CDH8: variants seen among roughly 807,000 people sequenced by gnomAD.
CDH8 encodes the protein cadherin 8, also known as cadherin-8.
In CDH8, 17 loss-of-function variants were observed where a neutral mutation model predicts 68.1. That is an observed-to-expected ratio of 0.25 (90% CI 0.17 to 0.37). The LOEUF (loss-of-function observed/expected upper bound fraction) is 0.37, where lower values mean the gene tolerates loss of function less well. Among genes scored for constraint, CDH8 ranks in the 10% least tolerant of loss-of-function variants. The probability of loss-of-function intolerance (pLI) is 1.00; values close to 1 mark genes in which losing one functional copy is unlikely to be tolerated. For missense variants in CDH8, 763 were observed against 999.3 expected (o/e 0.76, Z 3.19); for synonymous variants, 372 against 365.1 (o/e 1.02, Z -0.21).
chr16:61,802,097 C>T (rs1046973885), intron 7 of CDH8, among the ~76,000 whole-genome samples: 50 of 141,214 alleles, frequency 3.5e-4, no homozygotes, highest in South Asian at 2.0e-3. Context: ...CAGTGGTTCT[C>T]CCAGCACACA....
At chr16:61,865,124 T>G (rs902048360) in intron 3 of CDH8, among the ~76,000 whole-genome samples, 3 of 152,148 alleles carry the variant, frequency 2.0e-5, no homozygotes, top group Admixed American at 2.0e-4. Context: ...TTCCACATGC[T>G]CCAAATTAAG....
At chr16:61,808,920 T>C (rs989103169) in intron 7 of CDH8, among the ~76,000 whole-genome samples, 4 of 152,196 alleles carry the variant, frequency 2.6e-5, no homozygotes, top group African/African-American at 9.7e-5. Context: ...GCGCAGTGGC[T>C]AACGCCTGTA....
At chr16:61,673,711 G>C (rs1963841039) in intron 10 of CDH8, among the ~76,000 whole-genome samples, 1 of 152,082 alleles carries the variant, frequency 6.6e-6, no homozygotes, top group Non-Finnish European at 1.5e-5. Context: ...AGTGACAAGA[G>C]ACATTTCAAT....
chr16:61,828,122 C>T lies in CDH8; in HGVS notation c.668-2943G>A, dbSNP rs181551204. Among the ~76,000 whole-genome samples the T allele has an allele frequency of 1.7e-4, 26 of 151,882 alleles. No homozygotes were observed. In the East Asian group the frequency reaches 4.7e-3, roughly 27 times the overall value. ...AAACAGGTTGCAGTAAAGAAACTGGCCAAAACCCACCAAAACCAAGATAGC... is the reference window on the plus strand; with the variant it reads ...AAACAGGTTGCAGTAAAGAAACTGGTCAAAACCCACCAAAACCAAGATAGC... On this transcript the variant is annotated intron_variant, in intron 4 of 11. Coordinates refer to ENST00000577390, the MANE Select transcript of CDH8 (RefSeq NM_001796.5).
chr16:61,820,314 G>GTTTTTT lies in CDH8; in HGVS notation c.1023+606_1023+611dup, dbSNP rs545670875. 3.1e-4 allele frequency among the ~76,000 whole-genome samples: 28 copies of GTTTTTT among 90,758 alleles called. 1 individual carries two copies. Among genetic ancestry groups the GTTTTTT allele is most frequent in the Non-Finnish European group, 4.7e-4 (23 of 48,650 alleles). The allele number at this position is 90,758 out of a possible 152,430, so 59.5% of individuals were successfully genotyped here. A position where few individuals can be genotyped will look rare whatever the true frequency, so the allele number is the denominator to read the frequency against. On this transcript the variant is annotated intron_variant, in intron 6 of 11. Coordinates refer to ENST00000577390, the MANE Select transcript of CDH8 (RefSeq NM_001796.5). ...TGAACCTGAATGTTCTGCCTGTTTGGTTTTTTTTTTTTTTTTTTTTTTTTT... is the reference window on the plus strand; with the variant it reads ...TGAACCTGAATGTTCTGCCTGTTTGGTTTTTTTTTTTTTTTTTTTTTTTTTTTTTTT...
At chr16:61,799,843 A>T (rs1382358112) in intron 7 of CDH8, among the ~76,000 whole-genome samples, 1 of 152,218 alleles carries the variant, frequency 6.6e-6, no homozygotes, top group Non-Finnish European at 1.5e-5. Context: ...TTACCAAATA[A>T]TAAGGAGTTT....
At chr16:61,717,352 T>C (rs530526377) in intron 9 of CDH8, among the ~76,000 whole-genome samples, 1 of 151,694 alleles carries the variant, frequency 6.6e-6, no homozygotes, top group Non-Finnish European at 1.5e-5. Flanking sequence ...GCAGACTCTG[T>C]TCTATTTCTT....
chr16:61,768,380 C>CTCCCTT (rs1960679419), intron 8 of CDH8, among the ~76,000 whole-genome samples: 1 of 105,398 alleles, frequency 9.5e-6, no homozygotes, highest in East Asian at 2.7e-4. Flanking sequence ...CTTTCTCTCT[C>CTCCCTT]TCTCTCTCTC....
chr16:61,738,346 T>C (rs1959762849), intron 8 of CDH8, among the ~76,000 whole-genome samples: 1 of 152,170 alleles, frequency 6.6e-6, no homozygotes, highest in Non-Finnish European at 1.5e-5. Context: ...CTGGAAATAG[T>C]GGAGTTCTGT....
At chr16:62,031,374 T>G (rs1257405317) in intron 1 of CDH8, among the ~76,000 whole-genome samples, 1 of 152,130 alleles carries the variant, frequency 6.6e-6, no homozygotes, top group African/African-American at 2.4e-5. Context: ...GTCAAAATAT[T>G]GAACTTTGGA....
chr16:61,754,995 C>T (rs1211958295), intron 8 of CDH8, among the ~76,000 whole-genome samples: 1 of 152,136 alleles, frequency 6.6e-6, no homozygotes, highest in Non-Finnish European at 1.5e-5. Context: ...ATGTTTAGCT[C>T]CCACTTACAA....
intron 8 of CDH8, among the ~76,000 whole-genome samples, chr16:61,757,900 G>A (rs919111663): frequency 1.3e-5 from 2 of 152,090 alleles, no homozygotes; most frequent in Non-Finnish European, 2.9e-5. Context: ...TTTTTCTGCC[G>A]CTAAGTTCTG....
At chr16:61,971,474 G>C (rs1334449759) in intron 2 of CDH8, among the ~76,000 whole-genome samples, 1 of 152,216 alleles carries the variant, frequency 6.6e-6, no homozygotes, top group East Asian at 1.9e-4. Context: ...TCAGATGGAA[G>C]AGAAGCACAG....
intron 2 of CDH8, among the ~76,000 whole-genome samples, chr16:62,007,557 C>T (rs769980018): frequency 2.6e-5 from 4 of 151,942 alleles, no homozygotes; most frequent in African/African-American, 4.8e-5. Context: ...ATTCGGCAAA[C>T]GTCATGTGTT....
chr16:61,899,766 C>T (rs1419040676), intron 3 of CDH8, among the ~76,000 whole-genome samples: 3 of 151,008 alleles, frequency 2.0e-5, no homozygotes, highest in Non-Finnish European at 2.9e-5. Flanking sequence ...GTCATTTATT[C>T]TACAAAAGAT....
chr16:61,768,369 C>CTCTCTCTCTCT (rs1567461189), intron 8 of CDH8, among the ~76,000 whole-genome samples: 1 of 23,542 alleles, frequency 4.2e-5, no homozygotes, highest in African/African-American at 1.8e-4. Context: ...TCTCTCTCTC[C>CTCTCTCTCTCT]CTTTCTCTCT....
intron 10 of CDH8, among the ~76,000 whole-genome samples, chr16:61,707,644 G>T (rs1173907960): frequency 6.6e-6 from 1 of 152,168 alleles, no homozygotes; most frequent in Non-Finnish European, 1.5e-5. Flanking sequence ...TTAGCAGATG[G>T]AATGTCACGT....
At chr16:61,893,516 A>G (rs769840137) in intron 3 of CDH8, among the ~76,000 whole-genome samples, 7 of 151,920 alleles carry the variant, frequency 4.6e-5, no homozygotes, top group Non-Finnish European at 1.0e-4. Context: ...TCCTAATAAC[A>G]ATGAACACAA....
chr16:61,986,907 G>A (rs555988854), intron 2 of CDH8, among the ~76,000 whole-genome samples: 6 of 152,226 alleles, frequency 3.9e-5, no homozygotes, highest in Non-Finnish European at 5.9e-5. Context: ...TTCTCTTTCT[G>A]TGACTGACTC....
Sources: allele counts gnomAD v4.1 joint callset (sites outside exome capture counted in the v4.1 genomes callset), GRCh38; gene constraint gnomAD v4.1.1; transcripts MANE v1.5; gene names NCBI Gene and HGNC (gene_info 2026-07-23, HGNC 2026-07-21).